The following UNC80 variants were observed in gnomAD, a reference collection of about 807,000 sequenced individuals.
UNC80 encodes the protein protein unc-80 homolog.
In UNC80, 164 loss-of-function variants were observed where a neutral mutation model predicts 384.6. The ratio of observed to expected loss-of-function variants is 0.43; its 90% CI spans 0.38 to 0.49. The LOEUF (loss-of-function observed/expected upper bound fraction) is 0.49, where lower values mean the gene tolerates loss of function less well. Ranked by LOEUF, UNC80 falls within the 20% of genes least tolerant of loss-of-function variation. The pLI, the probability that UNC80 is intolerant of heterozygous loss-of-function variation, is 0.00. For missense variants in UNC80, 3,330 were observed against 4,143.0 expected, an observed-to-expected ratio of 0.80 and a Z score of 5.39; for synonymous variants, 1,486 against 1,527.8, an observed-to-expected ratio of 0.97 and a Z score of 0.64.
intron 28 of UNC80, among the ~76,000 whole-genome samples, chr2:209,897,738 A>G (rs1291329104): frequency 6.6e-6 from 1 of 152,112 alleles, no homozygotes; most frequent in Admixed American, 6.5e-5. Flanking sequence ...AATGCCTTTT[A>G]GTTTTCTGTG....
At chr2:209,968,710 G>T (rs1413806717) in intron 52 of UNC80, 2 of 152,106 alleles carry the variant, frequency 1.3e-5, no homozygotes, top group Non-Finnish European at 2.9e-5. Flanking sequence ...ATTTATAACT[G>T]TCTCACAAGG....
intron 7 of UNC80, among the ~76,000 whole-genome samples, chr2:209,801,370 A>G (rs563977847): frequency 7.5e-6 from 1 of 134,038 alleles, no homozygotes; most frequent in Admixed American, 8.0e-5. Flanking sequence ...TAGGATTGCA[A>G]CCCCTGCTTT....
At position 209,922,468 on chromosome 2, in the gene UNC80, A is replaced by G. The variant is rs544976139; in HGVS notation, c.5662+85A>G. The G allele has an allele frequency of 1.3e-3, 1,695 of 1,345,868 alleles. 3 individuals carry two copies. Among genetic ancestry groups the G allele is most frequent in the Non-Finnish European group, 1.6e-3 (1,613 of 1,011,916 alleles). The allele number at this position is 1,345,868 out of a possible 1,614,324, so 83.4% of individuals were successfully genotyped here. A position where few individuals can be genotyped will look rare whatever the true frequency, so the allele number is the denominator to read the frequency against. Reference sequence around the variant, plus strand: ...GTTAATATCATGATCTCACTTGATTACATTGTCTTCATTAAATAACTTGTC... The same window carrying G: ...GTTAATATCATGATCTCACTTGATTGCATTGTCTTCATTAAATAACTTGTC... On this transcript the variant is annotated intron_variant, in intron 35 of 64. Transcript: ENST00000673920.
intron 38 of UNC80, among the ~76,000 whole-genome samples, chr2:209,931,644 A>G (rs977950111): frequency 2.6e-5 from 4 of 152,118 alleles, no homozygotes; most frequent in Admixed American, 1.3e-4. Context: ...TAGCCAAATT[A>G]ATGTCTGTGC....
chr2:209,787,631 A>G (rs2077522002), intron 5 of UNC80, among the ~76,000 whole-genome samples: 1 of 152,188 alleles, frequency 6.6e-6, no homozygotes, highest in South Asian at 2.1e-4. Context: ...CCATGGTAAC[A>G]TAGTGCAAGG....
chr2:209,933,848 G>T lies in UNC80; in HGVS notation c.6021G>T (p.Arg2007=). The part of the protein sequence containing the change: ...YLVGLIMYFV[R]TPCEWGMDAI... ...TAGGATTAATCATGTACTTTGTGCG[G>T]ACCCCCTGCGAGTGGGGGATGGATG... is the stretch of plus-strand genomic sequence containing the variant. The change falls in exon 39 of 65, where the codon CGG becomes CGT. Residue 2007 remains arginine, a synonymous_variant. Transcript: ENST00000673920. The T allele has an allele frequency of 6.4e-7, 1 of 1,551,112 alleles. No individual in the cohort carries two copies. Among genetic ancestry groups the T allele is most frequent in the Non-Finnish European group, 8.7e-7 (1 of 1,146,694 alleles).
At chr2:209,948,686 G>A (rs550103980) in intron 47 of UNC80, among the ~76,000 whole-genome samples, 2 of 152,188 alleles carry the variant, frequency 1.3e-5, no homozygotes, top group South Asian at 2.1e-4. Context: ...ATACAAAATG[G>A]AATAGAAGTG....
intron 29 of UNC80, among the ~76,000 whole-genome samples, chr2:209,909,260 T>C (rs1321618123): frequency 6.6e-6 from 1 of 152,166 alleles, no homozygotes; most frequent in East Asian, 1.9e-4. Context: ...TTATTATTCC[T>C]CTCTAGTCAA....
Position 209,917,867 on chromosome 2 carries a change from G to A in UNC80, c.5120G>A (p.Arg1707Lys), listed in dbSNP as rs1559326906. The A allele has an allele frequency of 6.4e-7, 1 of 1,551,984 alleles. No individual in the cohort carries two copies. The highest frequency in any genetic ancestry group is 8.7e-7 in the Non-Finnish European group (1 of 1,147,048). ...SEFHHPETVQ[R>K]LNAVLKFHTL... ...TTCCACCACCCGGAGACTGTGCAGA[G>A]GCTGAACGCTGTCCTCAAGTTCCAC... Residue 1707 changes from arginine (R) to lysine (K), a missense_variant, in exon 32 of 65, where the codon AGG (arginine) becomes AAG (lysine). Physicochemically the swap from Arg to Lys is conservative, Grantham distance 26. Around this residue, in one of 8 missense-constraint regions of UNC80, gnomAD observed 801 missense variants for 950.8 expected, o/e 0.84. Coordinates refer to ENST00000673920, the MANE Select transcript of UNC80 (RefSeq NM_001371986.1).
intron 36 of UNC80, among the ~76,000 whole-genome samples, chr2:209,928,284 C>A (rs566135584): frequency 6.6e-6 from 1 of 151,980 alleles, no homozygotes; most frequent in Non-Finnish European, 1.5e-5. Flanking sequence ...TGCAGTGAGC[C>A]GAAACCGCAC....
At chr2:209,898,864 A>G (rs1333598730) in intron 28 of UNC80, among the ~76,000 whole-genome samples, 6 of 152,192 alleles carry the variant, frequency 3.9e-5, no homozygotes, top group Non-Finnish European at 8.8e-5. Flanking sequence ...AAGTGAGAAC[A>G]TGTGATGTTT....
rs910192175 is a variant in UNC80, at chr2:209,995,340, C to A, written c.9720C>A (p.Phe3240Leu). Residue 3240 changes from phenylalanine (F) to leucine (L), a missense_variant, in exon 65 of 65, where the codon TTC (phenylalanine) becomes TTA (leucine). Physicochemically the swap from Phe to Leu is conservative, Grantham distance 22 (BLOSUM62 0). Transcript: ENST00000673920. ...HSVSPKQSEN[F>L]PTEEGEKEED... ...CCTTTTGATCACAGAGTGAGAACTT[C>A]CCCACTGAAGAAGGAGAAAAGGAGG... 5 of 1,552,158 alleles carry A rather than the reference C, an allele frequency of 3.2e-6. No homozygotes were observed. The highest frequency in any genetic ancestry group is 4.4e-6 in the Non-Finnish European group (5 of 1,147,060).
intron 7 of UNC80, chr2:209,794,757 G>A (rs909233476): frequency 2.2e-6 from 1 of 453,220 alleles, no homozygotes; most frequent in African/African-American, 2.0e-5. Flanking sequence ...TTCCACTTTT[G>A]TCTCTTCTTC....
chr2:209,806,179 T>G (rs1036594018), intron 7 of UNC80, among the ~76,000 whole-genome samples: 3 of 152,234 alleles, frequency 2.0e-5, no homozygotes, highest in African/African-American at 7.2e-5. Context: ...ATTCATTAGC[T>G]TATATTTCTT....
At chr2:209,919,356 ATT>A (rs2089844734) in intron 33 of UNC80, among the ~76,000 whole-genome samples, 1 of 152,200 alleles carries the variant, frequency 6.6e-6, no homozygotes, top group African/African-American at 2.4e-5. Flanking sequence ...CAAATTTATC[ATT>A]GTTTCCTTGC....
rs978281416 is a variant in UNC80, at chr2:209,820,417, C to T, written c.2069C>T (p.Pro690Leu). 3 of 1,551,480 alleles carry T rather than the reference C, an allele frequency of 1.9e-6. No individual in the cohort carries two copies. The highest frequency in any genetic ancestry group is 2.7e-5 in the African/African-American group (2 of 72,916). ...VECLLQLGVVPCVEKNRKKSE... is the reference protein window; with the variant it reads ...VECLLQLGVVLCVEKNRKKSE... ...TGCTTGCTTCAACTTGGTGTGGTGC[C>T]CTGTGTAGAAAAGAATAGAAAGAAG... Residue 690 changes from proline to leucine, a missense_variant, in exon 13 of 65, where the codon CCC (proline) becomes CTC (leucine). Transcript: ENST00000673920.
chr2:209,920,436 T>C (rs2089943494), intron 33 of UNC80, among the ~76,000 whole-genome samples: 2 of 152,240 alleles, frequency 1.3e-5, no homozygotes, highest in African/African-American at 4.8e-5. Flanking sequence ...TGACTCTGTC[T>C]CCAAAGCTCT....
At chr2:209,970,801 A>G in intron 53 of UNC80, 31 bp from the exon 54 acceptor site, 1 of 1,548,382 alleles carries the variant, frequency 6.5e-7, no homozygotes, top group Non-Finnish European at 8.7e-7. Context: ...GCAATAGTCA[A>G]GGCTGGTCAT....
At chr2:209,886,587 T>C (rs2085831035) in intron 25 of UNC80, among the ~76,000 whole-genome samples, 2 of 152,292 alleles carry the variant, frequency 1.3e-5, no homozygotes, top group South Asian at 2.1e-4. Flanking sequence ...GAGATCATTG[T>C]GTTCAGCCTC....
Sources: allele counts gnomAD v4.1 joint callset (sites outside exome capture counted in the v4.1 genomes callset), GRCh38; gene constraint gnomAD v4.1.1; regional missense constraint gnomAD v4.1.1; transcripts MANE v1.5; gene names NCBI Gene and HGNC (gene_info 2026-07-23, HGNC 2026-07-21).